KIAA0825: variants seen among roughly 807,000 people sequenced by gnomAD.
KIAA0825 encodes uncharacterized protein KIAA0825.
Under a neutral mutation model 147.6 loss-of-function variants are expected in KIAA0825, and 119 were observed. The ratio of observed to expected loss-of-function variants is 0.81; its 90% confidence interval spans 0.69 to 0.94. The LOEUF (loss-of-function observed/expected upper bound fraction) is 0.94. Ranked by LOEUF, KIAA0825 falls within the 40% of genes least tolerant of loss-of-function variation. The probability of loss-of-function intolerance (pLI) is 0.00; values close to 1 mark genes in which losing one functional copy is unlikely to be tolerated. For missense variants in KIAA0825, 1,381 were observed against 1,472.7 expected (o/e 0.94, Z 1.02); for synonymous variants, 470 against 518.1 (o/e 0.91, Z 1.26).
At chr5:94,458,964 A>G (rs754685750) in intron 12 of KIAA0825, among the ~76,000 whole-genome samples, 37 of 152,116 alleles carry the variant, frequency 2.4e-4, no homozygotes, top group Non-Finnish European at 5.3e-4. Flanking sequence ...TGTATTCATT[A>G]GCTGTCACTC....
intron 1 of KIAA0825, among the ~76,000 whole-genome samples, chr5:94,603,694 T>C (rs1019687905): frequency 1.3e-5 from 2 of 152,132 alleles, no homozygotes; most frequent in Non-Finnish European, 2.9e-5. Flanking sequence ...TCACATGCGA[T>C]GACACACATA....
intron 1 of KIAA0825, among the ~76,000 whole-genome samples, chr5:94,613,365 T>G (rs1789449471): frequency 1.3e-5 from 2 of 151,956 alleles, no homozygotes; most frequent in Admixed American, 6.6e-5. Flanking sequence ...CCCAGCTAAT[T>G]TTTGTATTTT....
At chr5:94,367,966 A>G (rs576376375) in intron 20 of KIAA0825, among the ~76,000 whole-genome samples, 11 of 152,240 alleles carry the variant, frequency 7.2e-5, no homozygotes, top group African/African-American at 2.7e-4. Context: ...TTAATTTGGT[A>G]TAAAGCTAAG....
intron 20 of KIAA0825, among the ~76,000 whole-genome samples, chr5:94,249,409 C>T (rs986454076): frequency 2.0e-4 from 30 of 152,152 alleles, no homozygotes; most frequent in Admixed American, 6.6e-5. Context: ...GATATATTAG[C>T]CTTCTTTTCT....
chr5:94,310,580 A>G (rs1399854944), intron 20 of KIAA0825, among the ~76,000 whole-genome samples: 1 of 151,698 alleles, frequency 6.6e-6, no homozygotes, highest in Non-Finnish European at 1.5e-5. Context: ...ATAGAACATA[A>G]TCAACTATTA....
At chr5:94,276,866 C>A (rs1777246425) in intron 20 of KIAA0825, among the ~76,000 whole-genome samples, 2 of 152,058 alleles carry the variant, frequency 1.3e-5, no homozygotes, top group African/African-American at 2.4e-5. Flanking sequence ...GAAAAACCAG[C>A]CCTTGCTTTC....
intron 20 of KIAA0825, among the ~76,000 whole-genome samples, chr5:94,255,402 C>G (rs776380478): frequency 6.6e-6 from 1 of 151,778 alleles, no homozygotes; most frequent in Non-Finnish European, 1.5e-5. Flanking sequence ...AAAATGCTTT[C>G]GATGAGGAAA....
intron 5 of KIAA0825, among the ~76,000 whole-genome samples, chr5:94,518,123 G>GA (rs1767553572): frequency 6.6e-6 from 1 of 152,108 alleles, no homozygotes. Flanking sequence ...GATTTCGTGA[G>GA]CATAAAGATA....
At chr5:94,558,769 T>C (rs1458812173) in intron 2 of KIAA0825, among the ~76,000 whole-genome samples, 6 of 152,150 alleles carry the variant, frequency 3.9e-5, no homozygotes, top group Non-Finnish European at 5.9e-5. Flanking sequence ...CTGAAGCAGA[T>C]TGTAAAAGAA....
At chr5:94,280,650 C>G (rs979546310) in intron 20 of KIAA0825, among the ~76,000 whole-genome samples, 1 of 152,038 alleles carries the variant, frequency 6.6e-6, no homozygotes, top group Non-Finnish European at 1.5e-5. Context: ...ATCTGATGCT[C>G]AAATAGCTGC....
chr5:94,230,908 G>A (rs1355274527), intron 20 of KIAA0825, among the ~76,000 whole-genome samples: 1 of 152,064 alleles, frequency 6.6e-6, no homozygotes, highest in African/African-American at 2.4e-5. Context: ...TCTGGGATTA[G>A]TTTAGATTAG....
chr5:94,206,957 G>A (rs1440844229), intron 20 of KIAA0825, among the ~76,000 whole-genome samples: 1 of 152,086 alleles, frequency 6.6e-6, no homozygotes, highest in Non-Finnish European at 1.5e-5. Flanking sequence ...TTCTTTTCTG[G>A]TTTGGGGAGG....
At chr5:94,503,959 G>C (rs1236347843) in intron 5 of KIAA0825, among the ~76,000 whole-genome samples, 1 of 152,156 alleles carries the variant, frequency 6.6e-6, no homozygotes, top group African/African-American at 2.4e-5. Flanking sequence ...AGAAGCCTAT[G>C]ACTCCAGCCT....
chr5:94,235,691 T>C (rs1270897605), intron 20 of KIAA0825, among the ~76,000 whole-genome samples: 3 of 152,228 alleles, frequency 2.0e-5, no homozygotes, highest in Non-Finnish European at 4.4e-5. Context: ...GTCAATGTCT[T>C]GCTCCAAAGC....
intron 2 of KIAA0825, among the ~76,000 whole-genome samples, chr5:94,556,854 A>G (rs1228560478): frequency 6.6e-6 from 1 of 152,238 alleles, no homozygotes; most frequent in East Asian, 1.9e-4. Flanking sequence ...CTCAACCCAG[A>G]GTAATAATTT....
chr5:94,373,000 G>A (rs891724884), intron 20 of KIAA0825, among the ~76,000 whole-genome samples: 2 of 152,202 alleles, frequency 1.3e-5, no homozygotes, highest in African/African-American at 4.8e-5. Context: ...CACATAGCAA[G>A]AGTCCAGTTT....
chr5:94,256,289 C>A (rs138778876), intron 20 of KIAA0825, among the ~76,000 whole-genome samples: 22 of 152,212 alleles, frequency 1.4e-4, no homozygotes, highest in African/African-American at 5.3e-4. Flanking sequence ...CTTTCCTATT[C>A]ATGTCTCTAT....
chr5:94,494,977 A>G (rs1764188245), intron 5 of KIAA0825, among the ~76,000 whole-genome samples: 3 of 152,352 alleles, frequency 2.0e-5, no homozygotes, highest in Admixed American at 1.3e-4. Flanking sequence ...ACATCTGCTG[A>G]GTGTGCTTCC....
chr5:94,549,342 C>A (rs557497874), intron 2 of KIAA0825, among the ~76,000 whole-genome samples: 2 of 152,260 alleles, frequency 1.3e-5, no homozygotes, highest in Non-Finnish European at 2.9e-5. Flanking sequence ...TCCTGAATGA[C>A]CAGTGGGTCA....
Sources: allele counts gnomAD v4.1 joint callset (sites outside exome capture counted in the v4.1 genomes callset), GRCh38; gene constraint gnomAD v4.1.1; transcripts MANE v1.5; gene names NCBI Gene and HGNC (gene_info 2026-07-23, HGNC 2026-07-21).